Variants in ZNF532 observed in about 807,000 individuals in gnomAD.
ZNF532 encodes zinc finger protein 532.
ZNF532 carries 22 observed loss-of-function variants against 89.3 expected under a neutral mutation model. The observed-to-expected ratio is 0.25, with a 90% CI of 0.18 to 0.35. The LOEUF is 0.35. Ranked by LOEUF, ZNF532 falls within the 10% of genes least tolerant of loss-of-function variation. ZNF532 has a pLI of 1.00. For missense variants in ZNF532, 1,132 were observed against 1,643.4 expected, an observed-to-expected ratio of 0.69 and a Z score of 5.38; for synonymous variants, 606 against 649.6, an observed-to-expected ratio of 0.93 and a Z score of 1.02.
intron 3 of ZNF532, among the ~76,000 whole-genome samples, chr18:58,933,200 C>A (rs2062102361): frequency 6.6e-6 from 1 of 151,976 alleles, no homozygotes; most frequent in Non-Finnish European, 1.5e-5. Flanking sequence ...TTTAATGATG[C>A]TAACTTCATT....
At chr18:58,908,196 AT>A (rs1276041923) in intron 2 of ZNF532, among the ~76,000 whole-genome samples, 1 of 152,092 alleles carries the variant, frequency 6.6e-6, no homozygotes, top group African/African-American at 2.4e-5. Flanking sequence ...TAGGTGGAAA[AT>A]TTTTGGACAC....
upstream of ZNF532, chr18:58,863,455 C>A: frequency 1.3e-4 from 1 of 7,456 alleles, no homozygotes; most frequent in South Asian, 1.1e-3. Context: ...CACCGGCCGC[C>A]CCCTCCCCCT....
chr18:58,982,975 C>T (rs988010805), intron 9 of ZNF532, among the ~76,000 whole-genome samples: 8 of 152,062 alleles, frequency 5.3e-5, no homozygotes, highest in Non-Finnish European at 7.4e-5. Flanking sequence ...AGCTGGACAT[C>T]GTGGTGCACA....
intron 2 of ZNF532, among the ~76,000 whole-genome samples, chr18:58,902,168 C>T (rs996732076): frequency 2.6e-5 from 4 of 152,016 alleles, no homozygotes; most frequent in Non-Finnish European, 4.4e-5. Flanking sequence ...TCTGTGAGCC[C>T]GGCCCTGTGC....
At chr18:58,930,859 T>G (rs971026100) in intron 3 of ZNF532, among the ~76,000 whole-genome samples, 1 of 152,182 alleles carries the variant, frequency 6.6e-6, no homozygotes, top group African/African-American at 2.4e-5. Flanking sequence ...GATTTTTTAT[T>G]GTTGTATTGT....
intron 2 of ZNF532, among the ~76,000 whole-genome samples, chr18:58,876,898 A>G (rs1414310379): frequency 6.6e-6 from 1 of 152,098 alleles, no homozygotes; most frequent in Non-Finnish European, 1.5e-5. Flanking sequence ...CCCCGTCTCT[A>G]CAAGAAATAA....
At chr18:58,891,282 C>A (rs1196207379) in intron 2 of ZNF532, among the ~76,000 whole-genome samples, 1 of 152,138 alleles carries the variant, frequency 6.6e-6, no homozygotes, top group Non-Finnish European at 1.5e-5. Context: ...GTAATCCCAG[C>A]ACTTTCGGAG....
chr18:58,977,038 T>TG (rs931614193), intron 7 of ZNF532, among the ~76,000 whole-genome samples: 4 of 152,282 alleles, frequency 2.6e-5, no homozygotes, highest in African/African-American at 7.2e-5. Flanking sequence ...AGAATATTTT[T>TG]GGGGGGTGCC....
chr18:58,933,169 T>A (rs2062099696), intron 3 of ZNF532, among the ~76,000 whole-genome samples: 1 of 152,176 alleles, frequency 6.6e-6, no homozygotes, highest in African/African-American at 2.4e-5. Flanking sequence ...ATATGTGTTA[T>A]GAGAAAAGGG....
At chr18:58,978,798 T>G (rs2067355434) in intron 7 of ZNF532, among the ~76,000 whole-genome samples, 1 of 152,216 alleles carries the variant, frequency 6.6e-6, no homozygotes, top group Admixed American at 6.5e-5. Context: ...TTATTCTTGT[T>G]TCATACATAC....
At chr18:58,905,987 G>A (rs148466306) in intron 2 of ZNF532, among the ~76,000 whole-genome samples, 366 of 152,264 alleles carry the variant, frequency 2.4e-3, no homozygotes, top group Middle Eastern at 6.8e-3. Flanking sequence ...CTGGGGTAGT[G>A]TGTCTCTGGG....
chr18:58,954,916 G>T (rs1353241000), intron 7 of ZNF532, among the ~76,000 whole-genome samples: 1 of 151,940 alleles, frequency 6.6e-6, no homozygotes, highest in Non-Finnish European at 1.5e-5. Context: ...GATTTTACCA[G>T]GTTGGCCAGG....
chr18:58,922,179 A>G (rs1335705782), intron 3 of ZNF532, among the ~76,000 whole-genome samples: 1 of 152,096 alleles, frequency 6.6e-6, no homozygotes, highest in African/African-American at 2.4e-5. Flanking sequence ...TCTGCTCCTC[A>G]AACATCTCTA....
intron 3 of ZNF532, among the ~76,000 whole-genome samples, chr18:58,933,325 A>G (rs1219406575): frequency 2.0e-5 from 3 of 152,040 alleles, no homozygotes; most frequent in African/African-American, 7.2e-5. Flanking sequence ...TGAGTTTCCT[A>G]TTTTTCTTAG....
At chr18:58,896,496 T>A (rs898729359) in intron 2 of ZNF532, 1 of 152,298 alleles carries the variant, frequency 6.6e-6, no homozygotes, top group East Asian at 1.9e-4. Flanking sequence ...CACCCATGTC[T>A]GGGCTGGGAA....
Position 58,919,013 on chromosome 18 carries a change from G to A in ZNF532, c.726G>A (p.Gly242=). The part of the protein sequence containing the change: ...DKVLENRVLD[G]KLSSEKNDTS... Reference sequence around the variant, plus strand: ...TGCTGGAAAACAGAGTCCTAGATGGGAAGCTGAGCTCCGAGAAGAATGACA... The same window carrying A: ...TGCTGGAAAACAGAGTCCTAGATGGAAAGCTGAGCTCCGAGAAGAATGACA... Residue 242 remains glycine (G), a synonymous_variant, in exon 3 of 10, where the codon GGG becomes GGA. Transcript: ENST00000591808. The surrounding 1 kb of genome is among the most constrained non-coding windows in gnomAD (Gnocchi z 6.1). The A allele has an allele frequency of 2.5e-6, 4 of 1,613,582 alleles. No individual in the cohort carries two copies. Among genetic ancestry groups the A allele is most frequent in the Non-Finnish European group, 3.4e-6 (4 of 1,180,032 alleles).
chr18:58,964,170 A>G (rs1030650090), intron 7 of ZNF532: 5 of 152,196 alleles, frequency 3.3e-5, no homozygotes, highest in Admixed American at 6.5e-5. Flanking sequence ...TAGGGATATA[A>G]TAGATTTTTA....
intron 5 of ZNF532, among the ~76,000 whole-genome samples, chr18:58,947,508 T>A (rs1323988912): frequency 6.6e-6 from 1 of 152,216 alleles, no homozygotes; most frequent in Non-Finnish European, 1.5e-5. Context: ...ATCGATTTTA[T>A]TTTCTGTTTC....
At chr18:58,951,606 A>G (rs990101891) in intron 6 of ZNF532, among the ~76,000 whole-genome samples, 2 of 150,442 alleles carry the variant, frequency 1.3e-5, no homozygotes, top group African/African-American at 4.9e-5. Context: ...TCTCTTTGCA[A>G]AGAACATGGT....
Sources: gnomAD v4.1 joint callset for allele counts (sites outside exome capture counted in the v4.1 genomes callset) on GRCh38, gnomAD v4.1.1 for gene constraint, Gnocchi (gnomAD v3.1) non-coding constraint, MANE v1.5 for transcripts, NCBI Gene and HGNC (gene_info 2026-07-23, HGNC 2026-07-21) for gene names.